TAF1B: variants seen among roughly 807,000 people sequenced by gnomAD.
TAF1B encodes TATA box-binding protein-associated factor RNA polymerase I subunit B.
In TAF1B, 61 loss-of-function variants were observed where a neutral mutation model predicts 83.9. The observed-to-expected ratio is 0.73, with a 90% CI of 0.59 to 0.90. The LOEUF (loss-of-function observed/expected upper bound fraction) is 0.90. TAF1B is among the 40% of genes least tolerant of loss of function. The pLI is 0.00. For missense variants in TAF1B, 625 were observed against 677.0 expected, an observed-to-expected ratio of 0.92 and a Z score of 0.85; for synonymous variants, 221 against 224.6, an observed-to-expected ratio of 0.98 and a Z score of 0.14.
chr2:9,885,837 G>A (rs571845760), intron 8 of TAF1B, among the ~76,000 whole-genome samples: 1 of 150,692 alleles, frequency 6.6e-6, no homozygotes, highest in South Asian at 2.1e-4. Context: ...GCTTAGTTAA[G>A]GTTATTTGTA....
At chr2:9,852,703 C>T (rs1663436353) in intron 4 of TAF1B, among the ~76,000 whole-genome samples, 1 of 152,078 alleles carries the variant, frequency 6.6e-6, no homozygotes. Context: ...TGTTGCTCAG[C>T]CTGGGCTCAA....
chr2:9,906,583 T>C (rs970609069), intron 9 of TAF1B, among the ~76,000 whole-genome samples: 1 of 152,208 alleles, frequency 6.6e-6, no homozygotes, highest in Non-Finnish European at 1.5e-5. Context: ...AGTGGAACTT[T>C]AGGTATGTAG....
At chr2:9,933,739 G>C in intron 14 of TAF1B, 44 bp from the exon 15 acceptor site, 1 of 1,519,964 alleles carries the variant, frequency 6.6e-7, no homozygotes, top group Non-Finnish European at 9.0e-7. Flanking sequence ...TGCATTTCTT[G>C]GTTACCATCT....
intron 4 of TAF1B, among the ~76,000 whole-genome samples, chr2:9,852,547 A>G (rs1031504020): frequency 2.6e-5 from 4 of 152,178 alleles, no homozygotes; most frequent in South Asian, 2.1e-4. Context: ...GCTGGAGTGC[A>G]CTGGCATGAT....
chr2:9,900,656 G>A (rs1371293619), intron 8 of TAF1B, among the ~76,000 whole-genome samples: 1 of 152,196 alleles, frequency 6.6e-6, no homozygotes, highest in Non-Finnish European at 1.5e-5. Context: ...AGTTGTTAAA[G>A]TGATGAGAAA....
At chr2:9,854,459 GTC>G (rs765192726) in intron 5 of TAF1B, 38 bp downstream of exon 5, 1 of 1,484,164 alleles carries the variant, frequency 6.7e-7, no homozygotes, top group South Asian at 1.1e-5. Flanking sequence ...TAAAAAACAT[GTC>G]TGTTGAGATG....
intron 1 of TAF1B, chr2:9,843,799 G>A (rs973029734): frequency 2.7e-5 from 13 of 477,096 alleles, no homozygotes; most frequent in Admixed American, 2.5e-4. Context: ...AGGGTGTGGT[G>A]TTTGTCGTTA....
At chr2:9,927,695 T>C (rs1355101896) in intron 14 of TAF1B, among the ~76,000 whole-genome samples, 6 of 152,234 alleles carry the variant, frequency 3.9e-5, no homozygotes, top group Non-Finnish European at 7.3e-5. Flanking sequence ...GTTCATATCC[T>C]TTGCTCACTT....
intron 5 of TAF1B, among the ~76,000 whole-genome samples, chr2:9,864,413 C>A (rs894180300): frequency 6.6e-6 from 1 of 152,126 alleles, no homozygotes; most frequent in Non-Finnish European, 1.5e-5. Context: ...TCTGAATAGA[C>A]CAATAAGAGG....
intron 5 of TAF1B, among the ~76,000 whole-genome samples, chr2:9,862,110 C>A (rs985269792): frequency 6.6e-6 from 1 of 151,944 alleles, no homozygotes; most frequent in Non-Finnish European, 1.5e-5. Flanking sequence ...ATTGACGAGT[C>A]GAGAGAAGAA....
chr2:9,931,730 G>A (rs1009463932), intron 14 of TAF1B, among the ~76,000 whole-genome samples: 4 of 152,154 alleles, frequency 2.6e-5, no homozygotes, highest in African/African-American at 9.7e-5. Flanking sequence ...GCTAGGTTGG[G>A]GAAGTTCTCC....
Position 9,863,009 on chromosome 2 carries a change from A to G in TAF1B, c.400-5267A>G, listed in dbSNP as rs1187854030. ...AAAAACATGCCAAATTGTAAAGACC[A>G]TCAAGGCTAGGAAGAAACTGCATCA... On this transcript the variant is annotated intron_variant, in intron 5 of 14. Coordinates refer to ENST00000263663, the MANE Select transcript of TAF1B (RefSeq NM_005680.3). 7.9e-5 allele frequency among the ~76,000 whole-genome samples: 12 copies of G among 152,362 alleles called. No individual in the cohort carries two copies. In the East Asian group the frequency reaches 2.1e-3, roughly 27 times the overall value.
rs146099871 is a variant in TAF1B, at chr2:9,858,913, C to T, written c.399+4492C>T. 5.5e-3 allele frequency among the ~76,000 whole-genome samples: 840 copies of T among 152,276 alleles called. 2 individuals carry two copies. The highest frequency in any genetic ancestry group is 9.2e-3 in the Non-Finnish European group (623 of 68,024). On this transcript the variant is annotated intron_variant, in intron 5 of 14. Coordinates refer to ENST00000263663, the MANE Select transcript of TAF1B (RefSeq NM_005680.3). Reference sequence around the variant, plus strand: ...GGGCCTGTGATGGGAGGGGCTGTCTCGAAGATCTCTGACATGCCCTGGAGA... The same window carrying T: ...GGGCCTGTGATGGGAGGGGCTGTCTTGAAGATCTCTGACATGCCCTGGAGA...
intron 5 of TAF1B, among the ~76,000 whole-genome samples, chr2:9,866,790 C>T (rs1241991319): frequency 6.6e-6 from 1 of 152,138 alleles, no homozygotes; most frequent in Non-Finnish European, 1.5e-5. Flanking sequence ...TTTGTAGGGA[C>T]ATGGGTGAAG....
At chr2:9,852,197 G>A in intron 4 of TAF1B, 1 of 298,784 alleles carries the variant, frequency 3.3e-6, no homozygotes, top group South Asian at 3.2e-5. Context: ...CCAAGAATGT[G>A]CATTTCTAAC....
chr2:9,931,697 G>T (rs2125187836), intron 14 of TAF1B, among the ~76,000 whole-genome samples: 1 of 152,274 alleles, frequency 6.6e-6, no homozygotes, highest in Non-Finnish European at 1.5e-5. Flanking sequence ...TGTATTTCCT[G>T]AAGTTGAATG....
At chr2:9,929,142 T>TTTGTTG (rs70948857) in intron 14 of TAF1B, among the ~76,000 whole-genome samples, 3,257 of 151,010 alleles carry the variant, frequency 0.022, 119 homozygotes, top group African/African-American at 0.071. Flanking sequence ...ATTGGTTCTG[T>TTTGTTG]TTGTTGTTGT....
At chr2:9,911,631 A>T in intron 11 of TAF1B, 74 bp downstream of exon 11, 1 of 1,106,706 alleles carries the variant, frequency 9.0e-7, no homozygotes, top group Non-Finnish European at 1.3e-6. Context: ...AAATGTAGGC[A>T]AACAACTTTG....
At chr2:9,876,412 T>C (rs1664322072) in intron 7 of TAF1B, among the ~76,000 whole-genome samples, 1 of 152,218 alleles carries the variant, frequency 6.6e-6, no homozygotes, top group South Asian at 2.1e-4. Flanking sequence ...ATATTGGTGT[T>C]AAGAGCTAAA....
Sources: allele counts gnomAD v4.1 joint callset (sites outside exome capture counted in the v4.1 genomes callset), GRCh38; gene constraint gnomAD v4.1.1; transcripts MANE v1.5; gene names NCBI Gene and HGNC (gene_info 2026-07-23, HGNC 2026-07-21).